ENOX2: variants seen among roughly 807,000 people sequenced by gnomAD.
ENOX2 encodes ecto-NOX disulfide-thiol exchanger 2.
ENOX2 carries 36 observed loss-of-function variants against 45.0 expected under a neutral mutation model. The ratio of observed to expected loss-of-function variants is 0.80; its 90% CI spans 0.61 to 1.06. The LOEUF is 1.06. Ranked by LOEUF, ENOX2 falls within the 50% of genes least tolerant of loss-of-function variation. The pLI is 0.00. For synonymous variants in ENOX2, 174 were observed against 152.3 expected (o/e 1.14, Z -1.05); for missense variants, 423 against 462.5 (o/e 0.91, Z 0.78).
chrX:130,823,760 A>G (rs2077663053), intron 2 of ENOX2, among the ~76,000 whole-genome samples: 2 of 111,255 alleles, frequency 1.8e-5, no homozygotes, highest in Non-Finnish European at 3.8e-5. Flanking sequence ...TTTACAACTT[A>G]TCTTTCTTCT....
At chrX:130,820,796 G>C (rs771361256) in intron 2 of ENOX2, among the ~76,000 whole-genome samples, 2 of 112,128 alleles carry the variant, frequency 1.8e-5, no homozygotes, top group East Asian at 5.6e-4. Context: ...GTGGTTACCA[G>C]GAAGTGGTTG....
chrX:130,809,727 A>G (rs140874161), intron 2 of ENOX2, among the ~76,000 whole-genome samples: 1,637 of 111,178 alleles, frequency 0.015, 30 homozygotes, highest in African/African-American at 0.05. Context: ...CCCCCAAGAA[A>G]GTTACAAAAT....
intron 3 of ENOX2, among the ~76,000 whole-genome samples, chrX:130,773,185 T>G (rs1336119145): frequency 8.9e-6 from 1 of 111,833 alleles, no homozygotes; most frequent in Non-Finnish European, 1.9e-5. Flanking sequence ...CACTAAGCAC[T>G]ATTTATTCGT....
intron 3 of ENOX2, among the ~76,000 whole-genome samples, chrX:130,760,195 C>CT (rs1452952173): frequency 9.0e-6 from 1 of 111,372 alleles, no homozygotes; most frequent in Non-Finnish European, 1.9e-5. Context: ...GTTCTAGGAG[C>CT]TTTTTTGTTT....
At chrX:130,681,199 GA>G (rs1379536438) in intron 5 of ENOX2, among the ~76,000 whole-genome samples, 10 of 112,075 alleles carry the variant, frequency 8.9e-5, no homozygotes, top group Non-Finnish European at 1.7e-4. Flanking sequence ...TAGAGAAGAT[GA>G]GGTCTAGAAT....
At chrX:130,657,537 A>G (rs1231069472) in intron 9 of ENOX2, among the ~76,000 whole-genome samples, 1 of 112,039 alleles carries the variant, frequency 8.9e-6, no homozygotes, top group Non-Finnish European at 1.9e-5. Flanking sequence ...TAAATTCTGT[A>G]TATAAGATCT....
At chrX:130,833,056 A>T (rs370818843) in intron 2 of ENOX2, among the ~76,000 whole-genome samples, 1 of 91,962 alleles carries the variant, frequency 1.1e-5, no homozygotes, top group Admixed American at 1.2e-4. Flanking sequence ...CACACACACA[A>T]ACAGCACTGA....
chrX:130,861,591 C>G (rs1363040050), intron 2 of ENOX2, among the ~76,000 whole-genome samples: 1 of 111,460 alleles, frequency 9.0e-6, no homozygotes, highest in Non-Finnish European at 1.9e-5. Flanking sequence ...CTCATAGAAG[C>G]AGAAAGTAGA....
intron 3 of ENOX2, among the ~76,000 whole-genome samples, chrX:130,763,825 C>G (rs994957864): frequency 9.0e-6 from 1 of 110,878 alleles, no homozygotes; most frequent in Non-Finnish European, 1.9e-5. Flanking sequence ...AGGTAGAAAT[C>G]TATGCTCCCT....
chrX:130,791,148 C>T (rs748002172), intron 2 of ENOX2, among the ~76,000 whole-genome samples: 4 of 111,282 alleles, frequency 3.6e-5, no homozygotes, highest in African/African-American at 1.3e-4. Flanking sequence ...TTATAAAATA[C>T]TATTCTGGCT....
At chrX:130,769,204 T>C (rs1054926027) in intron 3 of ENOX2, among the ~76,000 whole-genome samples, 5 of 111,425 alleles carry the variant, frequency 4.5e-5, no homozygotes, top group Non-Finnish European at 7.5e-5. Flanking sequence ...GTGAAAAATA[T>C]GTCATTCCTT....
chrX:130,812,934 G>T (rs753782519), intron 2 of ENOX2, among the ~76,000 whole-genome samples: 14 of 111,793 alleles, frequency 1.3e-4, no homozygotes, highest in African/African-American at 4.2e-4. Flanking sequence ...AAGAGCATAG[G>T]TTGAGTATCC....
At chrX:130,820,852 C>T (rs1325703991) in intron 2 of ENOX2, among the ~76,000 whole-genome samples, 1 of 111,628 alleles carries the variant, frequency 9.0e-6, no homozygotes, top group East Asian at 2.8e-4. Flanking sequence ...TGCAAAATTT[C>T]AGTTAGAAAG....
At chrX:130,825,138 T>C (rs1220442384) in intron 2 of ENOX2, among the ~76,000 whole-genome samples, 1 of 111,350 alleles carries the variant, frequency 9.0e-6, no homozygotes, top group Admixed American at 9.6e-5. Flanking sequence ...AATTGACAAA[T>C]ACATTAAGAA....
intron 3 of ENOX2, among the ~76,000 whole-genome samples, chrX:130,766,128 C>T (rs2039610980): frequency 9.0e-6 from 1 of 111,322 alleles, no homozygotes; most frequent in Non-Finnish European, 1.9e-5. Context: ...TTGGTATTGT[C>T]ACTTTTTATT....
chrX:130,775,161 G>A (rs1364373517), intron 3 of ENOX2, among the ~76,000 whole-genome samples: 3 of 111,487 alleles, frequency 2.7e-5, no homozygotes, highest in Non-Finnish European at 5.7e-5. Context: ...GCGCGTGGAT[G>A]GCTTGAGCTA....
At chrX:130,667,395 A>C (rs1404409481) in intron 8 of ENOX2, 135 bp downstream of exon 8, 5 of 530,439 alleles carry the variant, frequency 9.4e-6, no homozygotes, top group African/African-American at 9.4e-5. Context: ...CAATATAAGG[A>C]GAGCACAAGG....
Position 130,624,808 on chromosome X carries a change from A to G in ENOX2, c.*506T>C, listed in dbSNP as rs2035501083. ...GTGAACCTGGTCAGGCACCTTCTAG[A>G]AGACACTGATGTGTTATTTATTTAC... is the stretch of plus-strand genomic sequence containing the variant. On this transcript the variant is annotated 3_prime_UTR_variant, in exon 15 of 15. Transcript: ENST00000394363. 1 of 112,647 alleles carries G rather than the reference A, an allele frequency of 8.9e-6. No homozygotes were observed. Among genetic ancestry groups the G allele is most frequent in the Non-Finnish European group, 1.9e-5 (1 of 53,414 alleles). The allele number at this position is 112,647 out of a possible 1,213,427, so 9.3% of individuals were successfully genotyped here.
chrX:130,735,849 G>C (rs1355500596), intron 3 of ENOX2, among the ~76,000 whole-genome samples: 2 of 110,931 alleles, frequency 1.8e-5, no homozygotes, highest in African/African-American at 6.6e-5. Context: ...TACATTAATA[G>C]GTGAAAAAAA....
Sources: allele counts gnomAD v4.1 joint callset (sites outside exome capture counted in the v4.1 genomes callset), GRCh38; gene constraint gnomAD v4.1.1; transcripts MANE v1.5; gene names NCBI Gene and HGNC (gene_info 2026-07-23, HGNC 2026-07-21).